ARHGEF28: variants seen among roughly 807,000 people sequenced by gnomAD.
The protein encoded by ARHGEF28 is Rho guanine nucleotide exchange factor 28, also known as 190 kDa guanine nucleotide exchange factor.
A neutral mutation model predicts 206.6 loss-of-function variants in ARHGEF28; 152 were observed. The ratio of observed to expected loss-of-function variants is 0.74; its 90% CI spans 0.64 to 0.84. ARHGEF28 has a LOEUF of 0.84. Ranked by LOEUF, ARHGEF28 falls within the 40% of genes least tolerant of loss-of-function variation. The pLI, the probability that ARHGEF28 is intolerant of heterozygous loss-of-function variation, is 0.00. For synonymous variants in ARHGEF28, 763 were observed against 776.4 expected, an observed-to-expected ratio of 0.98 and a Z score of 0.29; for missense variants, 2,028 against 2,073.2, an observed-to-expected ratio of 0.98 and a Z score of 0.42.
chr5:73,678,409 C>A (rs1389067483), intron 1 of ARHGEF28, among the ~76,000 whole-genome samples: 1 of 152,074 alleles, frequency 6.6e-6, no homozygotes, highest in Admixed American at 6.5e-5. Flanking sequence ...TAATGAAATA[C>A]AAGTTATTGG....
intron 9 of ARHGEF28, among the ~76,000 whole-genome samples, chr5:73,814,248 C>T (rs192232843): frequency 6.6e-4 from 101 of 152,210 alleles, no homozygotes; most frequent in African/African-American, 2.3e-3. Context: ...AATACAGTCA[C>T]ATTGTAAATA....
At chr5:73,794,228 C>T (rs1340846723) in intron 7 of ARHGEF28, 174 bp from the exon 8 acceptor site, 7 of 528,694 alleles carry the variant, frequency 1.3e-5, no homozygotes, top group East Asian at 3.3e-5. Flanking sequence ...TATGGACAGT[C>T]GGGTTATTAG....
At chr5:73,798,321 A>G (rs530075217) in intron 9 of ARHGEF28, among the ~76,000 whole-genome samples, 1 of 152,278 alleles carries the variant, frequency 6.6e-6, no homozygotes, top group Non-Finnish European at 1.5e-5. Context: ...GGTCTTATTC[A>G]TTCTTTCCAT....
At chr5:73,766,098 G>T (rs1281436262) in intron 4 of ARHGEF28, among the ~76,000 whole-genome samples, 3 of 151,360 alleles carry the variant, frequency 2.0e-5, no homozygotes, top group Admixed American at 2.0e-4. Context: ...CTTGCAGTGA[G>T]CTGAGACTGT....
chr5:73,797,368 G>A (rs932163278), intron 9 of ARHGEF28, among the ~76,000 whole-genome samples: 2 of 152,112 alleles, frequency 1.3e-5, no homozygotes, highest in African/African-American at 4.8e-5. Context: ...TCTCCCTGGA[G>A]GCCACTTCAA....
At chr5:73,916,232 A>G (rs1763205543) in intron 35 of ARHGEF28, among the ~76,000 whole-genome samples, 1 of 152,248 alleles carries the variant, frequency 6.6e-6, no homozygotes, top group African/African-American at 2.4e-5. Context: ...TAATTCAGAA[A>G]TTGACACCTT....
At chr5:73,828,380 CT>C (rs1358316223) in intron 9 of ARHGEF28, among the ~76,000 whole-genome samples, 2 of 152,196 alleles carry the variant, frequency 1.3e-5, no homozygotes, top group Non-Finnish European at 2.9e-5. Flanking sequence ...CAGAAAAATA[CT>C]CAAAAGGATG....
rs78944777 is a variant in ARHGEF28, at chr5:73,934,898, A to C, written c.4949-5946A>C. ...AGAAACATACTTTGAAATGCATCTCAAGGAAGAGGGAAATGTAGAATTGTT... is the reference window on the plus strand; with the variant it reads ...AGAAACATACTTTGAAATGCATCTCCAGGAAGAGGGAAATGTAGAATTGTT... On this transcript the variant is annotated intron_variant, in intron 35 of 35. Coordinates refer to ENST00000513042, the MANE Select transcript of ARHGEF28 (RefSeq NM_001177693.2). 4.2e-3 allele frequency among the ~76,000 whole-genome samples: 638 copies of C among 152,300 alleles called. 7 individuals carry two copies. Among genetic ancestry groups the C allele is most frequent in the African/African-American group, 0.015 (605 of 41,556 alleles).
chr5:73,904,949 A>G (rs1242027899), intron 33 of ARHGEF28: 2 of 152,604 alleles, frequency 1.3e-5, no homozygotes, highest in African/African-American at 4.8e-5. Flanking sequence ...GCTCTCAAAT[A>G]GCTTACTGCC....
At chr5:73,762,196 C>G (rs553142958) in intron 4 of ARHGEF28, among the ~76,000 whole-genome samples, 34 of 152,088 alleles carry the variant, frequency 2.2e-4, no homozygotes, top group Non-Finnish European at 4.0e-4. Context: ...TGGCTCACAC[C>G]TGTAATCCCA....
At chr5:73,921,302 G>A (rs1763509396) in intron 35 of ARHGEF28, among the ~76,000 whole-genome samples, 1 of 152,084 alleles carries the variant, frequency 6.6e-6, no homozygotes, top group Non-Finnish European at 1.5e-5. Context: ...GTTCTTAGTG[G>A]GTCACTTTTC....
At chr5:73,811,462 G>A (rs1230463821) in intron 9 of ARHGEF28, among the ~76,000 whole-genome samples, 3 of 152,200 alleles carry the variant, frequency 2.0e-5, no homozygotes, top group Admixed American at 6.5e-5. Context: ...ATGGCAGACC[G>A]ACTATTGTAA....
intron 31 of ARHGEF28, 68 bp downstream of exon 31, chr5:73,901,352 G>C (rs1269410279): frequency 1.5e-6 from 2 of 1,348,288 alleles, no homozygotes; most frequent in East Asian, 4.9e-5. Context: ...CTCAGGTTCT[G>C]GTCTGTCACG....
At chr5:73,805,739 G>A (rs74709946) in intron 9 of ARHGEF28, among the ~76,000 whole-genome samples, 8,129 of 152,126 alleles carry the variant, frequency 0.053, 290 homozygotes, top group African/African-American at 0.096. Context: ...GATACACACG[G>A]TTGCATACAG....
intron 4 of ARHGEF28, among the ~76,000 whole-genome samples, chr5:73,771,406 G>C (rs1753212157): frequency 6.6e-6 from 1 of 152,058 alleles, no homozygotes; most frequent in South Asian, 2.1e-4. Context: ...AAATTAGCTG[G>C]GGGTGATGGC....
At chr5:73,804,573 A>G (rs142287742) in intron 9 of ARHGEF28, among the ~76,000 whole-genome samples, 45 of 152,288 alleles carry the variant, frequency 3.0e-4, no homozygotes, top group African/African-American at 1.1e-3. Context: ...AGGCTTACAT[A>G]CTTTATTTCG....
chr5:73,648,762 A>T (rs1194676706), intron 1 of ARHGEF28, among the ~76,000 whole-genome samples: 3 of 152,202 alleles, frequency 2.0e-5, no homozygotes, highest in Non-Finnish European at 4.4e-5. Flanking sequence ...AAGAGGAAGG[A>T]TAAATGAATA....
At chr5:73,839,338 C>T (rs1757843744) in intron 10 of ARHGEF28, among the ~76,000 whole-genome samples, 2 of 152,172 alleles carry the variant, frequency 1.3e-5, no homozygotes, top group Non-Finnish European at 2.9e-5. Flanking sequence ...ATTAAGCATT[C>T]ATTAATGGTT....
At chr5:73,815,359 G>T (rs1756136231) in intron 9 of ARHGEF28, among the ~76,000 whole-genome samples, 1 of 151,916 alleles carries the variant, frequency 6.6e-6, no homozygotes. Context: ...AAAAAATAGT[G>T]GATATCCTTG....
Sources: gnomAD v4.1 joint callset for allele counts (sites outside exome capture counted in the v4.1 genomes callset) on GRCh38, gnomAD v4.1.1 for gene constraint, MANE v1.5 for transcripts, NCBI Gene and HGNC (gene_info 2026-07-23, HGNC 2026-07-21) for gene names.